The following PBRM1 variants were observed in gnomAD, a reference collection of about 807,000 sequenced individuals.
PBRM1 encodes the protein protein polybromo-1.
A neutral mutation model predicts 194.5 loss-of-function variants in PBRM1; 27 were observed. The observed-to-expected ratio is 0.14, with a 90% CI of 0.10 to 0.19. The LOEUF (loss-of-function observed/expected upper bound fraction) is 0.19, where lower values mean the gene tolerates loss of function less well. Ranked by LOEUF, PBRM1 falls within the 10% of genes least tolerant of loss-of-function variation. The pLI, the probability that PBRM1 is intolerant of heterozygous loss-of-function variation, is 1.00. For synonymous variants in PBRM1, 655 were observed against 693.2 expected (o/e 0.94, Z 0.87); for missense variants, 1,466 against 2,077.2 (o/e 0.71, Z 5.72).
chr3:52,605,582 A>G (rs1489096641), intron 16 of PBRM1, among the ~76,000 whole-genome samples: 1 of 150,910 alleles, frequency 6.6e-6, no homozygotes, highest in Non-Finnish European at 1.5e-5. Context: ...AATAATCTAA[A>G]TGGGTGTTTC....
At chr3:52,589,041 A>AATC (rs747746391) in intron 18 of PBRM1, 29 bp downstream of exon 20, 1 of 1,552,770 alleles carries the variant, frequency 6.4e-7, no homozygotes, top group South Asian at 1.1e-5. Context: ...TATCTCACTA[A>AATC]ACTGTCCTTT....
intron 2 of PBRM1, among the ~76,000 whole-genome samples, chr3:52,672,893 C>G (rs1304484605): frequency 6.6e-6 from 1 of 152,146 alleles, no homozygotes. Flanking sequence ...AAGTTGTGTG[C>G]AAGATGCCTC....
intron 3 of PBRM1, 74 bp from the exon 5 acceptor site, chr3:52,662,350 C>T (rs2096741450): frequency 1.5e-6 from 2 of 1,342,052 alleles, no homozygotes; most frequent in Non-Finnish European, 2.0e-6. Context: ...TTTAAAGCAC[C>T]TGTTTCAGCA....
At chr3:52,621,286 A>G (rs1482881917) in intron 13 of PBRM1, among the ~76,000 whole-genome samples, 3 of 152,090 alleles carry the variant, frequency 2.0e-5, no homozygotes, top group Non-Finnish European at 4.4e-5. Context: ...CAGCCTCCCA[A>G]GTAGCTGGGA....
chr3:52,602,479 C>A (rs574144936), intron 17 of PBRM1, among the ~76,000 whole-genome samples: 147 of 152,322 alleles, frequency 9.7e-4, no homozygotes, highest in Non-Finnish European at 1.5e-3. Flanking sequence ...TTTGCATCTT[C>A]CCCCACAGCA....
At chr3:52,636,913 C>A (rs552217178) in intron 10 of PBRM1, among the ~76,000 whole-genome samples, 4 of 150,952 alleles carry the variant, frequency 2.6e-5, no homozygotes, top group African/African-American at 9.7e-5. Flanking sequence ...GTACCAGCCT[C>A]AGGTAATCCT....
At chr3:52,674,627 CAAAA>C (rs869059650) in intron 2 of PBRM1, among the ~76,000 whole-genome samples, 1,232 of 109,010 alleles carry the variant, frequency 0.011, 4 homozygotes, top group Middle Eastern at 0.02. Context: ...CTGTCTCTAC[CAAAA>C]AAAAAAAAAA....
At chr3:52,617,297 G>A (rs777012889) in exon 14 of PBRM1, 5 of 1,613,860 alleles carry the variant, frequency 3.1e-6, no homozygotes, top group Non-Finnish European at 4.2e-6. Context: ...CTGGCATTCC[G>A]GAACATCAGC....
chr3:52,603,445 T>C lies in PBRM1; in HGVS notation c.2779+76A>G, dbSNP rs2094140733. On this transcript the variant is annotated intron_variant, in intron 17 of 29. Coordinates refer to ENST00000296302, the Ensembl canonical transcript of PBRM1. ...GTTTTCATTCATACAAACAGGACTCTTTTCCACAGCTAATTATGAGAACAC... is the reference window on the plus strand; with the variant it reads ...GTTTTCATTCATACAAACAGGACTCCTTTCCACAGCTAATTATGAGAACAC... 12 of 1,479,932 alleles carry C rather than the reference T, an allele frequency of 8.1e-6. No individual in the cohort carries two copies. In the South Asian group the frequency reaches 1.4e-4, roughly 17 times the overall value. The allele number at this position is 1,479,932 out of a possible 1,614,324, so 91.7% of individuals were successfully genotyped here. A position where few individuals can be genotyped will look rare whatever the true frequency, so the allele number is the denominator to read the frequency against.
intron 5 of PBRM1, among the ~76,000 whole-genome samples, chr3:52,657,819 C>T (rs2096637091): frequency 1.4e-5 from 2 of 145,558 alleles, no homozygotes; most frequent in African/African-American, 5.1e-5. Flanking sequence ...CGGAGTTTCG[C>T]TCTTGTTGCC....
At chr3:52,589,480 A>G (rs1289591633) in intron 17 of PBRM1, among the ~76,000 whole-genome samples, 1 of 152,246 alleles carries the variant, frequency 6.6e-6, no homozygotes, top group East Asian at 1.9e-4. Context: ...AAATGAATAT[A>G]TAACTACACA....
intron 17 of PBRM1, among the ~76,000 whole-genome samples, chr3:52,592,153 A>T: frequency 1.8e-5 from 2 of 111,256 alleles, no homozygotes. Flanking sequence ...TTAAGACTTG[A>T]GATGGATTCT....
At chr3:52,654,791 C>T (rs1007926411) in intron 5 of PBRM1, among the ~76,000 whole-genome samples, 8 of 151,758 alleles carry the variant, frequency 5.3e-5, no homozygotes, top group Non-Finnish European at 2.9e-5. Context: ...TGACAGAGAG[C>T]GAGAGAGAGA....
At chr3:52,615,238 T>G (rs943357362) in intron 15 of PBRM1, 113 bp downstream of exon 17, 4 of 624,504 alleles carry the variant, frequency 6.4e-6, no homozygotes, top group African/African-American at 1.8e-5. Flanking sequence ...AACTCCATGC[T>G]GGAGTACAGT....
exon 4 of PBRM1, chr3:52,662,155 T>C (rs144003080): frequency 4.3e-6 from 7 of 1,614,024 alleles, no homozygotes; most frequent in East Asian, 2.2e-5. Context: ...TGTGCCCTGA[T>C]TGTCTTGCCC....
intron 17 of PBRM1, among the ~76,000 whole-genome samples, chr3:52,591,813 C>A (rs891608977): frequency 1.5e-5 from 2 of 134,784 alleles, no homozygotes; most frequent in Admixed American, 7.6e-5. Context: ...CCACTGCGCC[C>A]GGCCTTTTTT....
intron 22 of PBRM1, among the ~76,000 whole-genome samples, chr3:52,569,679 AT>A (rs1341915624): frequency 6.6e-6 from 1 of 152,238 alleles, no homozygotes; most frequent in East Asian, 1.9e-4. Context: ...TTGTTCAAGC[AT>A]TCATTCAATA....
At chr3:52,572,199 G>A (rs1420155882) in intron 22 of PBRM1, among the ~76,000 whole-genome samples, 3 of 147,018 alleles carry the variant, frequency 2.0e-5, no homozygotes, top group Non-Finnish European at 4.4e-5. Context: ...TTGCCTTACT[G>A]AGGACAGTTT....
chr3:52,660,954 T>A (rs1391181583), intron 4 of PBRM1, among the ~76,000 whole-genome samples: 1 of 152,244 alleles, frequency 6.6e-6, no homozygotes, highest in Non-Finnish European at 1.5e-5. Flanking sequence ...TTCTCACAAT[T>A]TAGCTGTAGA....
Sources: gnomAD v4.1 joint callset for allele counts (sites outside exome capture counted in the v4.1 genomes callset) on GRCh38, gnomAD v4.1.1 for gene constraint, MANE v1.5 for transcripts, NCBI Gene and HGNC (gene_info 2026-07-23, HGNC 2026-07-21) for gene names.